Variants in ABL2 observed in about 807,000 individuals in gnomAD.
ABL2 encodes ABL proto-oncogene 2, non-receptor tyrosine kinase.
A neutral mutation model predicts 107.7 loss-of-function variants in ABL2; 49 were observed. The ratio of observed to expected loss-of-function variants is 0.45; its 90% CI spans 0.36 to 0.58. The LOEUF is 0.58. ABL2 is among the 20% of genes least tolerant of loss of function. The pLI, the probability that ABL2 is intolerant of heterozygous loss-of-function variation, is 0.00. For missense variants in ABL2, 1,245 were observed against 1,457.0 expected (o/e 0.85, Z 2.37); for synonymous variants, 549 against 548.6 (o/e 1.00, Z -0.01).
chr1:179,122,504 C>T (rs1378874015), intron 4 of ABL2, among the ~76,000 whole-genome samples: 1 of 151,984 alleles, frequency 6.6e-6, no homozygotes, highest in Non-Finnish European at 1.5e-5. Context: ...CTTATTTAAT[C>T]TGCCTTTCCT....
intron 2 of ABL2, 130 bp from the exon 3 acceptor site, chr1:179,131,611 T>G: frequency 1.2e-6 from 1 of 834,406 alleles, no homozygotes. Flanking sequence ...TATAAAGTGT[T>G]ATGAAGAATT....
chr1:179,158,080 T>C (rs756797414), intron 1 of ABL2, among the ~76,000 whole-genome samples: 6 of 152,118 alleles, frequency 3.9e-5, no homozygotes, highest in African/African-American at 7.2e-5. Flanking sequence ...AAGGAGACCA[T>C]AGGAGAGTCA....
chr1:179,192,424 G>A (rs538497355), intron 1 of ABL2, among the ~76,000 whole-genome samples: 5 of 152,112 alleles, frequency 3.3e-5, no homozygotes, highest in South Asian at 2.1e-4. Flanking sequence ...ACTCAAGCTC[G>A]AATTACAACA....
intron 4 of ABL2, among the ~76,000 whole-genome samples, chr1:179,122,087 C>T (rs1195577426): frequency 2.6e-5 from 4 of 151,278 alleles, no homozygotes; most frequent in Non-Finnish European, 4.4e-5. Flanking sequence ...CCACCATGCC[C>T]GGCTAATTTT....
chr1:179,120,373 A>G, intron 5 of ABL2, 99 bp from the exon 6 acceptor site: 2 of 613,914 alleles, frequency 3.3e-6, no homozygotes, highest in Non-Finnish European at 5.6e-6. Flanking sequence ...TTCAGCTTTA[A>G]AAGTAAAAAC....
intron 1 of ABL2, among the ~76,000 whole-genome samples, chr1:179,134,271 G>A (rs1396768541): frequency 6.6e-6 from 1 of 152,218 alleles, no homozygotes; most frequent in Non-Finnish European, 1.5e-5. Context: ...CTTCAGCCAG[G>A]CACGGTGGCT....
chr1:179,109,564 A>G lies in ABL2; in HGVS notation c.1826-123T>C, dbSNP rs184303195. The G allele has an allele frequency of 8.6e-4, 1,206 of 1,397,392 alleles. 5 individuals are homozygous for G. In the Middle Eastern group the frequency reaches 9.6e-3, roughly 11 times the overall value. The allele number at this position is 1,397,392 out of a possible 1,614,324, so 86.6% of individuals were successfully genotyped here. A position where few individuals can be genotyped will look rare whatever the true frequency, so the allele number is the denominator to read the frequency against. On this transcript the variant is annotated intron_variant, in intron 11 of 11. Transcript: ENST00000502732. ...CAAAGGTCAGGTGTTGGCAGGACTC[A>G]GAAGCAAATAATAAATACATTATCA...
At chr1:179,192,169 A>G (rs529511325) in intron 1 of ABL2, among the ~76,000 whole-genome samples, 2 of 152,288 alleles carry the variant, frequency 1.3e-5, no homozygotes, top group South Asian at 4.1e-4. Flanking sequence ...TAGTTACGAA[A>G]AACAATCCAC....
intron 1 of ABL2, among the ~76,000 whole-genome samples, chr1:179,197,374 T>C (rs918740806): frequency 1.3e-5 from 2 of 151,888 alleles, no homozygotes; most frequent in Non-Finnish European, 2.9e-5. Context: ...AAAATATATA[T>C]TGAAAAAGCT....
intron 1 of ABL2, among the ~76,000 whole-genome samples, chr1:179,156,493 C>G (rs895993648): frequency 6.6e-6 from 1 of 152,212 alleles, no homozygotes; most frequent in Non-Finnish European, 1.5e-5. Flanking sequence ...GCTTTCACTG[C>G]TGAACATCAT....
chr1:179,128,735 G>A (rs2102653891), intron 3 of ABL2, among the ~76,000 whole-genome samples: 1 of 152,360 alleles, frequency 6.6e-6, no homozygotes, highest in East Asian at 1.9e-4. Flanking sequence ...CCACGCGGCA[G>A]TGCAGCGGTG....
At chr1:179,229,167 T>TGCCCCCCCCC in intron 1 of ABL2, 74 bp downstream of exon 1, 114 of 402,556 alleles carry the variant, frequency 2.8e-4, no homozygotes, top group East Asian at 7.2e-4. Context: ...GGGCAGCCCG[T>TGCCCCCCCCC]CCGCCACCCA....
chr1:179,171,693 T>C (rs1188268323), intron 1 of ABL2, among the ~76,000 whole-genome samples: 2 of 152,120 alleles, frequency 1.3e-5, no homozygotes, highest in African/African-American at 4.8e-5. Flanking sequence ...CAGCTAACTA[T>C]TTTATGTTTT....
At chr1:179,162,035 G>C (rs143540678) in intron 1 of ABL2, among the ~76,000 whole-genome samples, 7 of 152,218 alleles carry the variant, frequency 4.6e-5, no homozygotes, top group African/African-American at 1.7e-4. Flanking sequence ...CCAGCCTCCA[G>C]AACTCTGAGA....
At position 179,102,782 on chromosome 1, in the gene ABL2, A is replaced by G. The variant is rs890008504; in HGVS notation, c.*4936T>C. On this transcript the variant is annotated 3_prime_UTR_variant, in exon 12 of 12. Coordinates refer to ENST00000502732, the MANE Select transcript of ABL2 (RefSeq NM_007314.4). ...AGCTATAATTCAGAAGTGGCCACCA[A>G]GGCAATTTACTTTTGAGTATTTTAT... The G allele has an allele frequency of 4.4e-6, 1 of 229,310 alleles. No individual in the cohort carries two copies. Among genetic ancestry groups the G allele is most frequent in the Non-Finnish European group, 8.6e-6 (1 of 115,806 alleles). 14.2% of individuals were successfully genotyped at this position (229,310 alleles called of 1,614,324 possible). A position where few individuals can be genotyped will look rare whatever the true frequency, so the allele number is the denominator to read the frequency against.
At chr1:179,116,916 T>A in intron 8 of ABL2, 1 of 231,608 alleles carries the variant, frequency 4.3e-6, no homozygotes, top group African/African-American at 2.3e-5. Context: ...CACTGCAACC[T>A]CTGCCCTCCA....
chr1:179,116,749 G>A (rs1365498438), intron 8 of ABL2: 1 of 153,530 alleles, frequency 6.5e-6, no homozygotes, highest in Non-Finnish European at 1.4e-5. Flanking sequence ...ACCTCAGGTT[G>A]TCCACCTGCC....
chr1:179,160,479 T>C (rs1156807947), intron 1 of ABL2, among the ~76,000 whole-genome samples: 4 of 152,142 alleles, frequency 2.6e-5, no homozygotes, highest in Non-Finnish European at 5.9e-5. Context: ...AAATATATAA[T>C]TATTAGATTA....
chr1:179,207,736 T>C (rs907533993), intron 1 of ABL2, among the ~76,000 whole-genome samples: 1 of 152,202 alleles, frequency 6.6e-6, no homozygotes, highest in Non-Finnish European at 1.5e-5. Flanking sequence ...CTTCAGGTTG[T>C]AAATTTTTTT....
Sources: gnomAD v4.1 joint callset for allele counts (sites outside exome capture counted in the v4.1 genomes callset) on GRCh38, gnomAD v4.1.1 for gene constraint, MANE v1.5 for transcripts, NCBI Gene and HGNC (gene_info 2026-07-23, HGNC 2026-07-21) for gene names.